The following NCOR1 variants were observed in gnomAD, a reference collection of about 807,000 sequenced individuals.
NCOR1 encodes protein phosphatase 1, regulatory subunit 109.
In NCOR1, 63 loss-of-function variants were observed where a neutral mutation model predicts 288.1. That is an observed-to-expected ratio of 0.22 (90% CI 0.18 to 0.27). The LOEUF is 0.27. NCOR1 is among the 10% of genes least tolerant of loss of function. The probability of loss-of-function intolerance (pLI) is 1.00; values close to 1 mark genes in which losing one functional copy is unlikely to be tolerated. For synonymous variants in NCOR1, 1,007 were observed against 1,065.9 expected (o/e 0.94, Z 1.08); for missense variants, 2,397 against 3,019.2 (o/e 0.79, Z 4.83).
intron 12 of NCOR1, 148 bp downstream of exon 12, chr17:16,138,859 TC>T (rs1288487473): frequency 1.7e-6 from 1 of 574,920 alleles, no homozygotes; most frequent in East Asian, 2.8e-5. Flanking sequence ...TACAGGAAGA[TC>T]AATATTCTCT....
chr17:16,045,015 A>G, intron 42 of NCOR1: 1 of 454,230 alleles, frequency 2.2e-6, no homozygotes, highest in East Asian at 4.4e-5. Flanking sequence ...AAAAAAAAGA[A>G]TAAACCAGAC....
chr17:16,099,286 A>AG (rs1217957044), intron 20 of NCOR1, among the ~76,000 whole-genome samples: 1 of 152,172 alleles, frequency 6.6e-6, no homozygotes, highest in East Asian at 1.9e-4. Context: ...ATTTTGTACT[A>AG]GTGTCATGCT....
chr17:16,154,869 C>T (rs1182378755), intron 6 of NCOR1, among the ~76,000 whole-genome samples: 2 of 152,004 alleles, frequency 1.3e-5, no homozygotes, highest in African/African-American at 4.8e-5. Context: ...AAGACCAGAC[C>T]AATATTTAGG....
intron 11 of NCOR1, among the ~76,000 whole-genome samples, chr17:16,140,912 GC>G (rs1183153334): frequency 6.6e-6 from 1 of 151,346 alleles, no homozygotes; most frequent in African/African-American, 2.4e-5. Flanking sequence ...GATCACTTGA[GC>G]CCGGGAGGTG....
chr17:16,065,802 A>G, intron 32 of NCOR1, 108 bp from the exon 33 acceptor site: 1 of 946,970 alleles, frequency 1.1e-6, no homozygotes, highest in Non-Finnish European at 1.6e-6. Flanking sequence ...GAGCTAGTGC[A>G]CATGGAACTT....
At position 16,146,435 on chromosome 17, in the gene NCOR1, G is replaced by A; in HGVS notation, c.1023C>T (p.Tyr341=). 6.2e-7 allele frequency: 1 copy of A among 1,612,920 alleles called. No individual in the cohort carries two copies. The highest frequency in any genetic ancestry group is 8.5e-7 in the Non-Finnish European group (1 of 1,179,622). The change falls in exon 10 of 46, where the codon TAC becomes TAT. Residue 341 remains tyrosine, a synonymous_variant. Coordinates refer to ENST00000268712, the MANE Select transcript of NCOR1 (RefSeq NM_006311.4). Reference sequence around the variant, plus strand: ...GAATTTCTGGAAACTGCTTTTCATAGTATTCCCTTGTTTTGCTTTCTTTAG... The same window carrying A: ...GAATTTCTGGAAACTGCTTTTCATAATATTCCCTTGTTTTGCTTTCTTTAG... ...RKAKESKTRE[Y]YEKQFPEIRK... is the part of the protein sequence containing the mutation.
intron 21 of NCOR1, among the ~76,000 whole-genome samples, chr17:16,092,689 ATATATATTTTTTTTTTT>A (rs1294762781): frequency 2.7e-4 from 3 of 11,058 alleles, no homozygotes; most frequent in African/African-American, 9.3e-4. Context: ...ATATATATAT[ATATATATTTTTTTTTTT>A]TTTTTTTTTT....
chr17:16,059,413 T>C (rs1299916002), intron 37 of NCOR1, among the ~76,000 whole-genome samples: 1 of 152,250 alleles, frequency 6.6e-6, no homozygotes, highest in African/African-American at 2.4e-5. Flanking sequence ...TTTTTAGCAC[T>C]GTGTTACATT....
At chr17:16,172,856 G>A (rs1599883797) in intron 3 of NCOR1, among the ~76,000 whole-genome samples, 1 of 152,188 alleles carries the variant, frequency 6.6e-6, no homozygotes, top group East Asian at 1.9e-4. Flanking sequence ...TGGCCAACCT[G>A]TAAACTAATG....
chr17:16,094,407 G>A (rs1179501691), intron 21 of NCOR1, among the ~76,000 whole-genome samples: 1 of 152,152 alleles, frequency 6.6e-6, no homozygotes, highest in Non-Finnish European at 1.5e-5. Context: ...CTTATTATTT[G>A]AGATAGAAAA....
At chr17:16,140,126 T>C (rs994733652) in intron 11 of NCOR1, among the ~76,000 whole-genome samples, 4 of 152,248 alleles carry the variant, frequency 2.6e-5, no homozygotes, top group Non-Finnish European at 5.9e-5. Flanking sequence ...CTCATCATTG[T>C]AGAAATAATG....
At chr17:16,077,108 T>C (rs2152783306) in intron 26 of NCOR1, among the ~76,000 whole-genome samples, 1 of 152,240 alleles carries the variant, frequency 6.6e-6, no homozygotes, top group South Asian at 2.1e-4. Flanking sequence ...AGCAGAATGC[T>C]TTCCATGGCT....
Position 16,032,011 on chromosome 17 carries a change from G to T in NCOR1, c.*285C>A. 2 of 392,814 alleles carry T rather than the reference G, an allele frequency of 5.1e-6. No homozygotes were observed. Among genetic ancestry groups the T allele is most frequent in the East Asian group, 9.4e-5 (2 of 21,204 alleles). The allele number at this position is 392,814 out of a possible 1,614,324, so 24.3% of individuals were successfully genotyped here. ...AGACATTATGGTTTTCTTTACAGAT[G>T]TAAGAACAGCAACTGTTCACTTTTT... On this transcript the variant is annotated 3_prime_UTR_variant, in exon 46 of 46. Coordinates refer to ENST00000268712, the MANE Select transcript of NCOR1 (RefSeq NM_006311.4).
At chr17:16,135,492 A>C (rs2076270282) in intron 14 of NCOR1, among the ~76,000 whole-genome samples, 1 of 152,006 alleles carries the variant, frequency 6.6e-6, no homozygotes. Context: ...CCATTTCACT[A>C]TTCCACTTTA....
rs1567957589 is a variant in NCOR1 at position 16,092,670 on chromosome 17, TATATATATATATATA to T, written c.2821-627_2821-613del. 3.8e-4 allele frequency among the ~76,000 whole-genome samples: 6 copies of T among 15,876 alleles called. 1 individual carries two copies. The highest frequency in any genetic ancestry group is 1.9e-3 in the African/African-American group (6 of 3,238). The allele number at this position is 15,876 out of a possible 152,430, so 10.4% of individuals were successfully genotyped here. ...ATTTATATATATATATATATATATA[TATATATATATATATA>T]TATATATATATTTTTTTTTTTTTTT... On this transcript the variant is annotated intron_variant, in intron 21 of 45. Coordinates refer to ENST00000268712, the MANE Select transcript of NCOR1 (RefSeq NM_006311.4).
intron 44 of NCOR1, among the ~76,000 whole-genome samples, chr17:16,037,237 T>TA (rs2056584258): frequency 6.6e-6 from 1 of 152,144 alleles, no homozygotes; most frequent in Non-Finnish European, 1.5e-5. Context: ...CCCAAACAAT[T>TA]ACAATAGTAA....
At chr17:16,095,587 G>T (rs1410236057) in intron 21 of NCOR1, among the ~76,000 whole-genome samples, 1 of 73,086 alleles carries the variant, frequency 1.4e-5, no homozygotes, top group Non-Finnish European at 2.7e-5. Flanking sequence ...GGAGGTGAGG[G>T]TCGCCTCTGC....
chr17:16,173,755 A>G (rs1208152945), intron 3 of NCOR1, among the ~76,000 whole-genome samples: 1 of 152,058 alleles, frequency 6.6e-6, no homozygotes, highest in African/African-American at 2.4e-5. Context: ...CATGGAGAAA[A>G]ACCCATCTCT....
intron 1 of NCOR1, among the ~76,000 whole-genome samples, chr17:16,209,006 T>G (rs553774280): frequency 5.9e-5 from 9 of 152,314 alleles, no homozygotes; most frequent in African/African-American, 1.9e-4. Context: ...CTCTAGCTGC[T>G]AAGCTCATTT....
Sources: gnomAD v4.1 joint callset for allele counts (sites outside exome capture counted in the v4.1 genomes callset) on GRCh38, gnomAD v4.1.1 for gene constraint, MANE v1.5 for transcripts, NCBI Gene and HGNC (gene_info 2026-07-23, HGNC 2026-07-21) for gene names.